GBF1: variants seen among roughly 807,000 people sequenced by gnomAD.
The protein encoded by GBF1 is golgi brefeldin A resistant guanine nucleotide exchange factor 1.
GBF1 carries 114 observed loss-of-function variants against 210.5 expected under a neutral mutation model. The ratio of observed to expected loss-of-function variants is 0.54; its 90% CI spans 0.47 to 0.63. The LOEUF (loss-of-function observed/expected upper bound fraction) is 0.63, where lower values mean the gene tolerates loss of function less well. Among genes scored for constraint, GBF1 ranks in the 30% least tolerant of loss-of-function variants. The pLI, the probability that GBF1 is intolerant of heterozygous loss-of-function variation, is 0.00. For missense variants in GBF1, 1,851 were observed against 2,357.7 expected, an observed-to-expected ratio of 0.79 and a Z score of 4.45; for synonymous variants, 850 against 889.2, an observed-to-expected ratio of 0.96 and a Z score of 0.78.
intron 3 of GBF1, among the ~76,000 whole-genome samples, chr10:102,301,356 A>AGT (rs2133831571): frequency 6.6e-6 from 1 of 152,356 alleles, no homozygotes; most frequent in Non-Finnish European, 1.5e-5. Flanking sequence ...TACAGAACAA[A>AGT]GTGGAGTCTC....
chr10:102,289,783 G>A (rs1386796677), intron 3 of GBF1, among the ~76,000 whole-genome samples: 1 of 152,118 alleles, frequency 6.6e-6, no homozygotes, highest in Non-Finnish European at 1.5e-5. Flanking sequence ...AACAAAGCAG[G>A]CAAACAAGAA....
chr10:102,309,561 T>C (rs1016498154), intron 3 of GBF1, among the ~76,000 whole-genome samples: 1 of 152,234 alleles, frequency 6.6e-6, no homozygotes, highest in African/African-American at 2.4e-5. Flanking sequence ...AAAGCTTTGC[T>C]TCACTGTTCT....
chr10:102,290,538 G>A (rs371384359), intron 3 of GBF1, among the ~76,000 whole-genome samples: 24 of 151,214 alleles, frequency 1.6e-4, no homozygotes, highest in East Asian at 1.4e-3. Flanking sequence ...GGTCTCTGTC[G>A]CCCAGGCTGG....
At chr10:102,367,357 G>C in intron 20 of GBF1, 121 bp from the exon 21 acceptor site, 1 of 1,123,156 alleles carries the variant, frequency 8.9e-7, no homozygotes, top group Non-Finnish European at 1.4e-6. Context: ...AGGGACTGGG[G>C]TGGGGAAGTG....
At chr10:102,381,991 G>T in intron 39 of GBF1, 65 bp from the exon 40 acceptor site, 1 of 1,351,126 alleles carries the variant, frequency 7.4e-7, no homozygotes, top group Non-Finnish European at 1.0e-6. Context: ...AGCCAGCTGG[G>T]CAATGTGAGA....
At chr10:102,371,295 A>T (rs1483757036) in intron 29 of GBF1, among the ~76,000 whole-genome samples, 3 of 152,256 alleles carry the variant, frequency 2.0e-5, no homozygotes, top group Non-Finnish European at 4.4e-5. Context: ...AACAATATGG[A>T]AACTGAAATT....
intron 3 of GBF1, among the ~76,000 whole-genome samples, chr10:102,270,909 G>A (rs995806561): frequency 1.3e-5 from 2 of 152,096 alleles, no homozygotes; most frequent in Non-Finnish European, 2.9e-5. Flanking sequence ...CACTTAGGGT[G>A]GAGTGCAGTG....
chr10:102,356,984 A>C (rs1258914593), intron 8 of GBF1, among the ~76,000 whole-genome samples: 1 of 152,132 alleles, frequency 6.6e-6, no homozygotes, highest in Admixed American at 6.5e-5. Flanking sequence ...CCATCTGACA[A>C]CATAAAACTG....
chr10:102,240,170 G>A, the GBF1 span, among the ~76,000 whole-genome samples: 1 of 152,244 alleles, frequency 6.6e-6, no homozygotes, highest in African/African-American at 2.4e-5. Context: ...CTGGTTAATT[G>A]TATTGGAATT....
intron 29 of GBF1, among the ~76,000 whole-genome samples, chr10:102,374,579 G>A (rs2060391786): frequency 6.6e-6 from 1 of 151,806 alleles, no homozygotes; most frequent in Admixed American, 6.6e-5. Flanking sequence ...AGCAAAACCT[G>A]TCTCTAAAAA....
rs2060032049 is a variant in GBF1 at position 102,368,533 on chromosome 10, C to T, written c.2879+79C>T. On this transcript the variant is annotated intron_variant, in intron 22 of 39. Transcript: ENST00000369983. ...TGGTTTTCTCCATGCCTCTCTGACT[C>T]CTACTGTTACTTCATTAGAATGGGG... The T allele has an allele frequency of 1.0e-4, 92 of 920,046 alleles. 1 individual carries two copies. The South Asian group carries it at 1.1e-3, about 11-fold the overall frequency. 57.0% of individuals were successfully genotyped at this position (920,046 alleles called of 1,614,324 possible).
chr10:102,331,851 A>ATTTTTTTTTTTTTTTTTTTTTT (rs869198412), intron 3 of GBF1, among the ~76,000 whole-genome samples: 4 of 85,344 alleles, frequency 4.7e-5, no homozygotes, highest in African/African-American at 2.0e-4. Context: ...TACCTGGCTA[A>ATTTTTTTTTTTTTTTTTTTTTT]TTTTTTTTTT....
chr10:102,348,186 CTCAGCCTCCCAAAA>C (rs1291381373), intron 4 of GBF1, among the ~76,000 whole-genome samples: 5 of 152,206 alleles, frequency 3.3e-5, no homozygotes, highest in Non-Finnish European at 7.3e-5. Context: ...ATCTGCCCAC[CTCAGCCTCCCAAAA>C]TGCTGGGATT....
chr10:102,285,983 G>A (rs1050882978), intron 3 of GBF1, among the ~76,000 whole-genome samples: 4 of 152,040 alleles, frequency 2.6e-5, no homozygotes, highest in Non-Finnish European at 5.9e-5. Flanking sequence ...TAAAAAAAAA[G>A]GTTGAACCTG....
At chr10:102,306,151 T>C (rs1245478857) in intron 3 of GBF1, among the ~76,000 whole-genome samples, 1 of 152,210 alleles carries the variant, frequency 6.6e-6, no homozygotes, top group African/African-American at 2.4e-5. Flanking sequence ...TAAGTGATTT[T>C]ACCTCTCTTG....
intron 3 of GBF1, among the ~76,000 whole-genome samples, chr10:102,297,345 T>C (rs538717823): frequency 6.6e-6 from 1 of 152,382 alleles, no homozygotes; most frequent in Non-Finnish European, 1.5e-5. Context: ...TGTACAGTTA[T>C]CACTAGACTT....
At chr10:102,375,691 C>T (rs1589825500) in intron 30 of GBF1, 107 bp downstream of exon 30, 1 of 711,876 alleles carries the variant, frequency 1.4e-6, no homozygotes, top group East Asian at 2.7e-5. Flanking sequence ...GATTAAACAG[C>T]CCTGGCTCCT....
intron 1 of GBF1, among the ~76,000 whole-genome samples, chr10:102,255,286 C>T (rs905626684): frequency 2.0e-5 from 3 of 152,128 alleles, no homozygotes; most frequent in Non-Finnish European, 4.4e-5. Context: ...GGTGATCTGC[C>T]CACCTCAGCC....
chr10:102,253,759 C>T (rs2071938554), intron 1 of GBF1, among the ~76,000 whole-genome samples: 1 of 152,236 alleles, frequency 6.6e-6, no homozygotes, highest in South Asian at 2.1e-4. Context: ...AGTGATCCTC[C>T]TGCATCGGCC....
Sources: allele counts gnomAD v4.1 joint callset (sites outside exome capture counted in the v4.1 genomes callset), GRCh38; gene constraint gnomAD v4.1.1; transcripts MANE v1.5; gene names NCBI Gene and HGNC (gene_info 2026-07-23, HGNC 2026-07-21).